The following ARHGAP28 variants were observed in gnomAD, a reference collection of about 807,000 sequenced individuals.
The protein encoded by ARHGAP28 is rho GTPase-activating protein 28.
In ARHGAP28, 56 loss-of-function variants were observed where a neutral mutation model predicts 90.7. The observed-to-expected ratio is 0.62, with a 90% confidence interval of 0.50 to 0.77. The LOEUF (loss-of-function observed/expected upper bound fraction) is 0.77. ARHGAP28 is among the 30% of genes least tolerant of loss of function. The pLI, the probability that ARHGAP28 is intolerant of heterozygous loss-of-function variation, is 0.00. For synonymous variants in ARHGAP28, 308 were observed against 323.3 expected (o/e 0.95, Z 0.51); for missense variants, 869 against 900.9 (o/e 0.96, Z 0.45).
In ARHGAP28 at chr18:6,741,762, T is replaced by A. The variant is rs569026892; in HGVS notation, c.122+11819T>A. 2.5e-4 allele frequency among the ~76,000 whole-genome samples: 38 copies of A among 152,324 alleles called. No homozygotes were observed. In the East Asian group the frequency reaches 7.1e-3, roughly 29 times the overall value. ...TTACTCTAGGTTATTCTTGCTTTTG[T>A]CTCTTTTACTCCCCTACCCCCAACC... On this transcript the variant is annotated intron_variant, in intron 1 of 17. Coordinates refer to ENST00000383472, the MANE Select transcript of ARHGAP28 (RefSeq NM_001366230.1).
intron 3 of ARHGAP28, among the ~76,000 whole-genome samples, chr18:6,847,563 C>A (rs1271476195): frequency 2.0e-5 from 3 of 151,542 alleles, no homozygotes; most frequent in African/African-American, 7.3e-5. Context: ...TTTTTCGAAT[C>A]TAACCATACG....
At position 6,913,227 on chromosome 18, in the gene ARHGAP28, G is replaced by C. The variant is rs1415574638; in HGVS notation, c.*1073G>C. 6.6e-6 allele frequency: 1 copy of C among 152,204 alleles called. No individual in the cohort carries two copies. The highest frequency in any genetic ancestry group is 1.5e-5 in the Non-Finnish European group (1 of 68,046). 9.4% of individuals were successfully genotyped at this position (152,204 alleles called of 1,614,324 possible). A position where few individuals can be genotyped will look rare whatever the true frequency, so the allele number is the denominator to read the frequency against. The stretch of plus-strand genomic sequence containing the variant: ...ATGCATGTCTGGTAAGATGACCACT[G>C]TCTCACTATCAAGAGCCTGCAGAGC... On this transcript the variant is annotated 3_prime_UTR_variant, in exon 18 of 18. Coordinates refer to ENST00000383472, the MANE Select transcript of ARHGAP28 (RefSeq NM_001366230.1).
At chr18:6,784,063 G>A (rs2056347649) in intron 1 of ARHGAP28, among the ~76,000 whole-genome samples, 2 of 152,002 alleles carry the variant, frequency 1.3e-5, no homozygotes, top group Admixed American at 1.3e-4. Flanking sequence ...AACCTCCTCA[G>A]TTACTTCTTT....
rs796774779 is a variant in ARHGAP28 at position 6,737,462 on chromosome 18, A to G, written c.122+7519A>G. ...CTTTAGCAGTACTTTTATTTCTAAT[A>G]TTGTTACTTTTAACATGCTTTGTAA... On this transcript the variant is annotated intron_variant, in intron 1 of 17. Transcript: ENST00000383472. Among the ~76,000 whole-genome samples the G allele has an allele frequency of 1.1e-3, 165 of 152,260 alleles. 3 individuals are homozygous for G. The highest frequency in any genetic ancestry group is 3.8e-3 in the African/African-American group (159 of 41,562).
intron 7 of ARHGAP28, among the ~76,000 whole-genome samples, chr18:6,871,140 T>C (rs2057085494): frequency 6.6e-6 from 1 of 152,168 alleles, no homozygotes; most frequent in East Asian, 1.9e-4. Context: ...TGCACGGGGA[T>C]TTCAGCGGCC....
intron 1 of ARHGAP28, among the ~76,000 whole-genome samples, chr18:6,815,257 G>T (rs2056582435): frequency 6.6e-6 from 1 of 152,158 alleles, no homozygotes; most frequent in Non-Finnish European, 1.5e-5. Context: ...GCCGAACAGG[G>T]AGCAAGATCA....
intron 1 of ARHGAP28, among the ~76,000 whole-genome samples, chr18:6,766,613 T>TATAC (rs1048557702): frequency 2.0e-5 from 3 of 152,146 alleles, no homozygotes; most frequent in African/African-American, 7.2e-5. Context: ...GGGATCTCTG[T>TATAC]AGGCCTGGCT....
intron 16 of ARHGAP28, among the ~76,000 whole-genome samples, chr18:6,908,140 A>ATTTTG (rs1440087052): frequency 7.3e-5 from 11 of 151,280 alleles, no homozygotes; most frequent in Admixed American, 2.6e-4. Flanking sequence ...ATTTTATTTT[A>ATTTTG]TTTTATTTTA....
chr18:6,730,219 G>GTATACATATATATATATATATA (rs374482561), intron 1 of ARHGAP28: 2 of 157,414 alleles, frequency 1.3e-5, no homozygotes, highest in South Asian at 5.5e-4. Context: ...GATAAGTCAT[G>GTATACATATATATATATATATA]TGTATATATA....
Position 6,890,429 on chromosome 18 carries a change from G to A in ARHGAP28, c.1735-1G>A. ...CAGTCCAAGCTATTTTTCTTCTCCA[G>A]GTTCCATCTTTCTTAATCACTCAAG... On this transcript the variant is annotated splice_acceptor_variant, in intron 13 of 17. Coordinates refer to ENST00000383472, the MANE Select transcript of ARHGAP28 (RefSeq NM_001366230.1). LOFTEE classifies it high-confidence loss of function. The A allele has an allele frequency of 6.3e-7, 1 of 1,593,050 alleles. No homozygotes were observed. Among genetic ancestry groups the A allele is most frequent in the Non-Finnish European group, 8.6e-7 (1 of 1,163,480 alleles).
At chr18:6,909,169 G>A in intron 17 of ARHGAP28, 145 bp downstream of exon 17, 1 of 568,464 alleles carries the variant, frequency 1.8e-6, no homozygotes, top group Non-Finnish European at 3.1e-6. Flanking sequence ...ATCTCATGTG[G>A]GAACAGTTGC....
At chr18:6,746,537 A>G (rs2056024793) in intron 1 of ARHGAP28, among the ~76,000 whole-genome samples, 2 of 152,244 alleles carry the variant, frequency 1.3e-5, no homozygotes, top group South Asian at 2.1e-4. Flanking sequence ...TAGCAAGCCT[A>G]TCCTAGCAAA....
At chr18:6,896,426 A>C (rs1278271410) in intron 15 of ARHGAP28, 76 bp from the exon 16 acceptor site, 1 of 1,530,266 alleles carries the variant, frequency 6.5e-7, no homozygotes, top group Admixed American at 1.9e-5. Context: ...ACTGATTTTC[A>C]TATCTCTTAA....
intron 1 of ARHGAP28, chr18:6,789,613 C>A (rs1285565445): frequency 6.6e-6 from 1 of 152,000 alleles, no homozygotes; most frequent in Non-Finnish European, 1.5e-5. Context: ...ATTTCTTTCA[C>A]CAGAGATCAC....
intron 1 of ARHGAP28, among the ~76,000 whole-genome samples, chr18:6,816,536 A>G (rs569614404): frequency 5.3e-5 from 8 of 152,318 alleles, no homozygotes; most frequent in African/African-American, 1.9e-4. Context: ...TGCCACCAGC[A>G]TCATTCAACG....
At chr18:6,839,879 T>C (rs1339704200) in intron 3 of ARHGAP28, among the ~76,000 whole-genome samples, 1 of 152,252 alleles carries the variant, frequency 6.6e-6, no homozygotes, top group Admixed American at 6.5e-5. Context: ...GTCATGATCA[T>C]TCATGTTCAT....
intron 15 of ARHGAP28, 38 bp downstream of exon 15, chr18:6,894,929 C>T (rs757759293): frequency 6.4e-7 from 1 of 1,570,416 alleles, no homozygotes; most frequent in Admixed American, 1.7e-5. Context: ...CATTAACTCC[C>T]TATATAGTCT....
intron 17 of ARHGAP28, among the ~76,000 whole-genome samples, chr18:6,909,274 G>GCTTTT (rs958637563): frequency 2.2e-3 from 222 of 99,786 alleles, no homozygotes; most frequent in African/African-American, 5.4e-3. Flanking sequence ...TCTTTTCTTT[G>GCTTTT]CTTTTCTTTT....
intron 1 of ARHGAP28, among the ~76,000 whole-genome samples, chr18:6,777,178 G>A (rs555886223): frequency 4.7e-4 from 72 of 152,178 alleles, no homozygotes; most frequent in Non-Finnish European, 7.9e-4. Flanking sequence ...AACACTGGGT[G>A]TACAGCAAAA....
Sources: allele counts gnomAD v4.1 joint callset (sites outside exome capture counted in the v4.1 genomes callset), GRCh38; gene constraint gnomAD v4.1.1; transcripts MANE v1.5; gene names NCBI Gene and HGNC (gene_info 2026-07-23, HGNC 2026-07-21).